Variants in PXN observed in about 807,000 individuals in gnomAD.
PXN encodes paxillin.
Under a neutral mutation model 103.6 loss-of-function variants are expected in PXN, and 61 were observed. The ratio of observed to expected loss-of-function variants is 0.59; its 90% CI spans 0.48 to 0.73. PXN has a LOEUF of 0.73. PXN is among the 30% of genes least tolerant of loss of function. The pLI is 0.00. For missense variants in PXN, 1,274 were observed against 1,460.3 expected (o/e 0.87, Z 2.08); for synonymous variants, 562 against 607.8 (o/e 0.92, Z 1.11).
At position 120,227,374 on chromosome 12, in the gene PXN, G is replaced by A. The variant is rs371754764; in HGVS notation, c.14-2997C>T. 1.1e-4 allele frequency among the ~76,000 whole-genome samples: 16 copies of A among 152,246 alleles called. No homozygotes were observed. In the South Asian group the frequency reaches 3.1e-3, roughly 30 times the overall value. ...AAATTAGCTGGGTGTGGTGATATGCGCCTGTAGTCCCAATTACTCAGGAGG... is the reference window on the plus strand; with the variant it reads ...AAATTAGCTGGGTGTGGTGATATGCACCTGTAGTCCCAATTACTCAGGAGG... On this transcript the variant is annotated intron_variant, in intron 1 of 14. Coordinates refer to ENST00000637617, the MANE Select transcript of PXN (RefSeq NM_001385981.1).
intron 1 of PXN, among the ~76,000 whole-genome samples, chr12:120,239,189 G>T (rs566063872): frequency 6.6e-6 from 1 of 152,132 alleles, no homozygotes; most frequent in Non-Finnish European, 1.5e-5. Context: ...GATCACGCCT[G>T]TAATCCCAGC....
intron 1 of PXN, among the ~76,000 whole-genome samples, chr12:120,261,622 A>C (rs1385218070): frequency 6.6e-6 from 1 of 152,148 alleles, no homozygotes; most frequent in African/African-American, 2.4e-5. Flanking sequence ...CAGATACTCC[A>C]AGCAGGATGA....
intron 1 of PXN, among the ~76,000 whole-genome samples, chr12:120,247,017 C>A (rs1019235835): frequency 6.6e-6 from 1 of 151,462 alleles, no homozygotes; most frequent in African/African-American, 2.4e-5. Flanking sequence ...GACAGCAAGA[C>A]CCTGTCTCTA....
At chr12:120,245,506 G>A (rs1358382449) in intron 1 of PXN, among the ~76,000 whole-genome samples, 1 of 151,862 alleles carries the variant, frequency 6.6e-6, no homozygotes, top group Non-Finnish European at 1.5e-5. Context: ...AAAAGAATGC[G>A]GCCGGGCACA....
chr12:120,260,040 A>G, intron 1 of PXN, among the ~76,000 whole-genome samples: 1 of 152,178 alleles, frequency 6.6e-6, no homozygotes, highest in East Asian at 1.9e-4. Context: ...GTGGCAAGGG[A>G]CCACAGGGGA....
chr12:120,257,968 G>A lies in PXN; in HGVS notation c.13+7649C>T, dbSNP rs566834360. On this transcript the variant is annotated intron_variant, in intron 1 of 14. Coordinates refer to ENST00000637617, the MANE Select transcript of PXN (RefSeq NM_001385981.1). ...AGCACTTTGGGAGGCCAAGGCGGGC[G>A]GATCACCTGAGGTCAGGAGTTCGAG... 2.8e-4 allele frequency among the ~76,000 whole-genome samples: 43 copies of A among 152,222 alleles called. No individual in the cohort carries two copies. The South Asian group carries it at 7.7e-3, about 27-fold the overall frequency.
chr12:120,248,076 T>G (rs1272864517), intron 1 of PXN, among the ~76,000 whole-genome samples: 1 of 152,174 alleles, frequency 6.6e-6, no homozygotes, highest in Non-Finnish European at 1.5e-5. Flanking sequence ...AACTGGAGAC[T>G]TTGACTCTCC....
Position 120,229,409 on chromosome 12 carries a change from G to C in PXN, c.14-5032C>G, listed in dbSNP as rs78488747. On this transcript the variant is annotated intron_variant, in intron 1 of 14. Coordinates refer to ENST00000637617, the MANE Select transcript of PXN (RefSeq NM_001385981.1). The surrounding 1 kb of genome is among the most constrained non-coding windows in gnomAD (Gnocchi z 4.0). ...AGAGGAGATAAAAGTCCATCTCTCT[G>C]AGGGGGTGGGAGGACCCAGAGCGAT... Among the ~76,000 whole-genome samples the C allele has an allele frequency of 0.039, 5,983 of 152,210 alleles. 410 individuals carry two copies. The highest frequency in any genetic ancestry group is 0.13 in the African/African-American group (5,511 of 41,480).
chr12:120,237,794 C>T (rs183946840), intron 1 of PXN, among the ~76,000 whole-genome samples: 58 of 152,304 alleles, frequency 3.8e-4, no homozygotes, highest in African/African-American at 1.3e-3. Context: ...TGACAGCTGG[C>T]GTCCCCACAG....
chr12:120,231,047 G>C (rs1025371199), intron 1 of PXN, among the ~76,000 whole-genome samples: 2 of 152,218 alleles, frequency 1.3e-5, no homozygotes, highest in Non-Finnish European at 2.9e-5. Context: ...AGGAGGATGG[G>C]GAAGCAGCAG....
rs1883505167 is a variant in PXN, at chr12:120,217,372, G to A, written c.1717-256C>T. On this transcript the variant is annotated intron_variant, in intron 7 of 14. Coordinates refer to ENST00000637617, the MANE Select transcript of PXN (RefSeq NM_001385981.1). This position sits in a 1 kb window ranked among gnomAD's most constrained non-coding sequence, Gnocchi z 4.1. The stretch of plus-strand genomic sequence containing the variant: ...CCTCTGACCCAGCATTCACCTCTAA[G>A]TTGGCCACTGACCTTGGGCAAGACA... Among the ~76,000 whole-genome samples, 1 of 152,116 alleles carries A rather than the reference G, an allele frequency of 6.6e-6. No individual in the cohort carries two copies. The highest frequency in any genetic ancestry group is 2.4e-5 in the African/African-American group (1 of 41,412).
rs763443985 is a variant in PXN at position 120,211,957 on chromosome 12, C to G, written c.*357G>C. 116 of 559,814 alleles carry G rather than the reference C, an allele frequency of 2.1e-4. No individual in the cohort carries two copies. The Admixed American group carries it at 2.2e-3, about 10-fold the overall frequency. The allele number at this position is 559,814 out of a possible 1,614,324, so 34.7% of individuals were successfully genotyped here. On this transcript the variant is annotated 3_prime_UTR_variant, in exon 15 of 15. Transcript: ENST00000637617. ...AGACCCTGCCTGCCCTTCCCTGCCC[C>G]CCGGCTGCACTGCTGAAATATGAGG...
chr12:120,239,190 T>C (rs534880833), intron 1 of PXN, among the ~76,000 whole-genome samples: 77 of 152,324 alleles, frequency 5.1e-4, no homozygotes, highest in African/African-American at 1.8e-3. Flanking sequence ...ATCACGCCTG[T>C]AATCCCAGCA....
At position 120,216,335 on chromosome 12, in the gene PXN, G is replaced by T; in HGVS notation, c.2239C>A (p.Pro747Thr). Residue 747 changes from proline to threonine, a missense_variant, in exon 9 of 15, where the codon CCC becomes ACC. By Grantham distance (38) the Pro-to-Thr change is conservative. Transcript: ENST00000637617. This position sits in a 1 kb window ranked among gnomAD's most constrained non-coding sequence, Gnocchi z 5.1. ...CAGCCCACGGACCTCATGGTGTGGGGTGCAGGAATGGGAAGGGCAGGGCCC... is the reference window on the plus strand; with the variant it reads ...CAGCCCACGGACCTCATGGTGTGGGTTGCAGGAATGGGAAGGGCAGGGCCC... ...VQGPALPIPAPHTMRSVGCQT... is the reference protein window; with the variant it reads ...VQGPALPIPATHTMRSVGCQT... 2 of 1,291,816 alleles carry T rather than the reference G, an allele frequency of 1.5e-6. No individual in the cohort carries two copies. Among genetic ancestry groups the T allele is most frequent in the South Asian group, 5.5e-5 (2 of 36,098 alleles). 80.0% of individuals were successfully genotyped at this position (1,291,816 alleles called of 1,614,324 possible). A position where few individuals can be genotyped will look rare whatever the true frequency, so the allele number is the denominator to read the frequency against.
Position 120,221,588 on chromosome 12 carries a change from G to A in PXN, c.831+35C>T, listed in dbSNP as rs1458204013. 15 of 1,540,794 alleles carry A rather than the reference G, an allele frequency of 9.7e-6. No individual in the cohort carries two copies. Among genetic ancestry groups the A allele is most frequent in the East Asian group, 2.4e-5 (1 of 41,106 alleles). Reference sequence around the variant, plus strand: ...GGGAGGAGAAGGATGAGGGAGGGGCGGCAGGGCAGGGAAGATGGAGGGTTC... The same window carrying A: ...GGGAGGAGAAGGATGAGGGAGGGGCAGCAGGGCAGGGAAGATGGAGGGTTC... On this transcript the variant is annotated intron_variant, in intron 6 of 14. Coordinates refer to ENST00000637617, the MANE Select transcript of PXN (RefSeq NM_001385981.1). The surrounding 1 kb of genome is among the most constrained non-coding windows in gnomAD (Gnocchi z 6.6).
rs899932706 is a variant in PXN at position 120,215,370 on chromosome 12, T to A, written c.2404-97A>T. The A allele has an allele frequency of 4.7e-6, 7 of 1,479,404 alleles. No homozygotes were observed. The highest frequency in any genetic ancestry group is 6.3e-6 in the Non-Finnish European group (7 of 1,116,180). 91.6% of individuals were successfully genotyped at this position (1,479,404 alleles called of 1,614,324 possible). ...GGTACTTTTCTCCCTCCTGGACAGATGAGCTGATGGAGACAAGAAGTACAA... is the reference window on the plus strand; with the variant it reads ...GGTACTTTTCTCCCTCCTGGACAGAAGAGCTGATGGAGACAAGAAGTACAA... On this transcript the variant is annotated intron_variant, in intron 10 of 14. Coordinates refer to ENST00000637617, the MANE Select transcript of PXN (RefSeq NM_001385981.1). The surrounding 1 kb of genome is among the most constrained non-coding windows in gnomAD (Gnocchi z 4.9).
intron 1 of PXN, among the ~76,000 whole-genome samples, chr12:120,236,347 T>C (rs1319478654): frequency 1.3e-5 from 2 of 152,204 alleles, no homozygotes; most frequent in Non-Finnish European, 2.9e-5. Context: ...GGTCTTGCTC[T>C]GTTACCCAGG....
chr12:120,223,863 C>T (rs1285616221), intron 2 of PXN, 30 bp from the exon 3 acceptor site: 15 of 1,505,046 alleles, frequency 1.0e-5, no homozygotes, highest in Admixed American at 1.9e-5. Flanking sequence ...CAGAGGCTAC[C>T]CCGAGGGGAG....
chr12:120,253,534 G>C (rs1211621134), intron 1 of PXN, among the ~76,000 whole-genome samples: 1 of 152,208 alleles, frequency 6.6e-6, no homozygotes, highest in African/African-American at 2.4e-5. Context: ...ACCCACCCAA[G>C]GTGCAGGTTC....
Sources: allele counts gnomAD v4.1 joint callset (sites outside exome capture counted in the v4.1 genomes callset), GRCh38; gene constraint gnomAD v4.1.1; non-coding constraint Gnocchi (gnomAD v3.1); transcripts MANE v1.5; gene names NCBI Gene and HGNC (gene_info 2026-07-23, HGNC 2026-07-21).